The following SCRG1 variants were observed in gnomAD, a reference collection of about 807,000 sequenced individuals.
SCRG1 encodes the protein stimulator of chondrogenesis 1.
SCRG1 carries 3 observed loss-of-function variants against 7.7 expected under a neutral mutation model. That is an observed-to-expected ratio of 0.39 (90% CI 0.18 to 1.01). The LOEUF (loss-of-function observed/expected upper bound fraction) is 1.01. Ranked by LOEUF, SCRG1 falls within the 50% of genes least tolerant of loss-of-function variation. SCRG1 has a pLI of 0.36. For missense variants in SCRG1, 110 were observed against 117.2 expected (o/e 0.94, Z 0.28); for synonymous variants, 46 against 41.2 (o/e 1.12, Z -0.44).
At chr4:173,479,301 C>T in the SCRG1 span, among the ~76,000 whole-genome samples, 12 of 152,036 alleles carry the variant, frequency 7.9e-5, no homozygotes, top group South Asian at 2.1e-4. Flanking sequence ...TGAATAGTTA[C>T]GTAAAGGTTT....
the SCRG1 span, among the ~76,000 whole-genome samples, chr4:173,506,884 G>C: frequency 3.5e-3 from 539 of 152,310 alleles, no homozygotes; most frequent in African/African-American, 0.011. This position sits in a 1 kb window ranked among gnomAD's most constrained non-coding sequence, Gnocchi z 5.3. Flanking sequence ...TTCGAGTTCA[G>C]ATGCTGGGAA....
chr4:173,451,540 T>C, the SCRG1 span, among the ~76,000 whole-genome samples: 1 of 152,090 alleles, frequency 6.6e-6, no homozygotes, highest in African/African-American at 2.4e-5. Context: ...AGAATGGGCC[T>C]CAACTCTATC....
At chr4:173,500,559 G>A in the SCRG1 span, among the ~76,000 whole-genome samples, 4 of 152,020 alleles carry the variant, frequency 2.6e-5, no homozygotes, top group African/African-American at 7.2e-5. Flanking sequence ...GGCTCGCTGC[G>A]CTGTCGACTT....
rs771562196 is a variant in SCRG1, at chr4:173,391,252, C to T, written c.163G>A (p.Val55Ile). Reference protein sequence around the residue: ...VADLTQIDVNVQDHFWDGKGC... With the variant: ...VADLTQIDVNIQDHFWDGKGC... ...TTCCCATCCCAGAAATGATCCTGGACATTGACATCAATCTGTGTCAGGTCA... is the reference window on the plus strand; with the variant it reads ...TTCCCATCCCAGAAATGATCCTGGATATTGACATCAATCTGTGTCAGGTCA... The change falls in exon 2 of 3, where the codon GTC (valine) becomes ATC (isoleucine). Residue 55 changes from valine to isoleucine, a missense_variant. Coordinates refer to ENST00000296506, the MANE Select transcript of SCRG1 (RefSeq NM_007281.4). 6.2e-7 allele frequency: 1 copy of T among 1,614,164 alleles called. No homozygotes were observed. Among genetic ancestry groups the T allele is most frequent in the South Asian group, 1.1e-5 (1 of 91,078 alleles).
chr4:173,416,911 AACACACACACAC>A, the SCRG1 span, among the ~76,000 whole-genome samples: 41,547 of 125,174 alleles, frequency 0.33, 7,501 homozygotes, highest in East Asian at 0.59. Context: ...CACACACCCA[AACACACACACAC>A]ACACACACAC....
the SCRG1 span, among the ~76,000 whole-genome samples, chr4:173,434,618 G>A: frequency 6.6e-6 from 1 of 152,158 alleles, no homozygotes; most frequent in Admixed American, 6.5e-5. Context: ...ATTATCTGAG[G>A]TCAGGAGTTC....
the SCRG1 span, among the ~76,000 whole-genome samples, chr4:173,494,586 A>G: frequency 6.0e-3 from 921 of 152,312 alleles, 11 homozygotes; most frequent in African/African-American, 0.02. Context: ...AAGAAGAACA[A>G]GAGGCAGGAG....
the SCRG1 span, among the ~76,000 whole-genome samples, chr4:173,418,534 T>C: frequency 6.6e-6 from 1 of 152,238 alleles, no homozygotes; most frequent in African/African-American, 2.4e-5. Context: ...TGTTGTTTGT[T>C]GCTGCACCAA....
the SCRG1 span, among the ~76,000 whole-genome samples, chr4:173,432,297 C>T: frequency 8.2e-6 from 1 of 122,212 alleles, no homozygotes; most frequent in African/African-American, 2.9e-5. Context: ...CTTCCTTCCT[C>T]CCCCCCTCCC....
At chr4:173,485,507 T>C in the SCRG1 span, among the ~76,000 whole-genome samples, 6 of 151,960 alleles carry the variant, frequency 3.9e-5, no homozygotes, top group East Asian at 1.9e-4. Context: ...AACTACCAGC[T>C]GGGCCCAGCA....
the SCRG1 span, among the ~76,000 whole-genome samples, chr4:173,445,297 G>T: frequency 6.6e-6 from 1 of 152,090 alleles, no homozygotes; most frequent in Non-Finnish European, 1.5e-5. Flanking sequence ...AAATACTCAT[G>T]CAAGGCCGGG....
intron 1 of SCRG1, among the ~76,000 whole-genome samples, chr4:173,396,320 A>G (rs1339930954): frequency 6.6e-6 from 1 of 152,234 alleles, no homozygotes; most frequent in Non-Finnish European, 1.5e-5. Flanking sequence ...GAGAGTAATC[A>G]GGATATTTAT....
At chr4:173,430,003 T>A in the SCRG1 span, among the ~76,000 whole-genome samples, 1 of 150,830 alleles carries the variant, frequency 6.6e-6, no homozygotes, top group Non-Finnish European at 1.5e-5. Context: ...GCTATGGGTT[T>A]TTTTTTTTGT....
chr4:173,414,009 C>A, the SCRG1 span, among the ~76,000 whole-genome samples: 30 of 152,268 alleles, frequency 2.0e-4, no homozygotes, highest in South Asian at 3.1e-3. Context: ...ATTGAGGGAA[C>A]AAGTTTGGAG....
intron 1 of SCRG1, among the ~76,000 whole-genome samples, chr4:173,405,472 G>A (rs527986679): frequency 3.9e-5 from 6 of 152,282 alleles, no homozygotes; most frequent in Non-Finnish European, 5.9e-5. Context: ...TCTGTGGAAG[G>A]AAGTCCCTAT....
chr4:173,461,081 G>T, the SCRG1 span, among the ~76,000 whole-genome samples: 1 of 152,172 alleles, frequency 6.6e-6, no homozygotes, highest in African/African-American at 2.4e-5. Context: ...GACTTCTAAG[G>T]TTTTTCAGTC....
the SCRG1 span, among the ~76,000 whole-genome samples, chr4:173,487,381 G>A: frequency 6.6e-6 from 1 of 152,126 alleles, no homozygotes; most frequent in African/African-American, 2.4e-5. Context: ...TCTGATTGTT[G>A]ATATTAATCT....
At chr4:173,411,665 T>C in the SCRG1 span, among the ~76,000 whole-genome samples, 1 of 152,242 alleles carries the variant, frequency 6.6e-6, no homozygotes, top group African/African-American at 2.4e-5. Flanking sequence ...ATCATGAAAC[T>C]GTTTACAGTG....
the SCRG1 span, among the ~76,000 whole-genome samples, chr4:173,457,295 G>A: frequency 6.6e-6 from 1 of 152,180 alleles, no homozygotes; most frequent in Non-Finnish European, 1.5e-5. Context: ...AAGACAGAAA[G>A]GCACACAATA....
Sources: allele counts gnomAD v4.1 joint callset (sites outside exome capture counted in the v4.1 genomes callset), GRCh38; gene constraint gnomAD v4.1.1; non-coding constraint Gnocchi (gnomAD v3.1); transcripts MANE v1.5; gene names NCBI Gene and HGNC (gene_info 2026-07-23, HGNC 2026-07-21).